The following TTC34 variants were observed in gnomAD, a reference collection of about 807,000 sequenced individuals.
TTC34 encodes the protein tetratricopeptide repeat domain 34.
TTC34 carries 44 observed loss-of-function variants against 40.7 expected under a neutral mutation model. That is an observed-to-expected ratio of 1.08 (90% CI 0.85 to 1.39). TTC34 has a LOEUF of 1.39. TTC34 is among the 40% of genes most tolerant of loss of function. TTC34 has a pLI of 0.00. For missense variants in TTC34, 884 were observed against 838.0 expected (o/e 1.05, Z -0.68); for synonymous variants, 422 against 398.6 (o/e 1.06, Z -0.70).
chr1:2,675,270 A>C, intron 6 of TTC34, among the ~76,000 whole-genome samples: 1 of 145,786 alleles, frequency 6.9e-6, no homozygotes, highest in Non-Finnish European at 1.5e-5. Flanking sequence ...AGCCTGGAAG[A>C]GCACCCCACA....
chr1:2,638,109 A>T (rs529184129), exon 9 of TTC34: 1 of 152,190 alleles, frequency 6.6e-6, no homozygotes, highest in East Asian at 1.9e-4. Context: ...AGGTGCCTAG[A>T]AATGATGCTC....
chr1:2,757,785 C>A (rs1641555354), intron 6 of TTC34, among the ~76,000 whole-genome samples: 1 of 148,012 alleles, frequency 6.8e-6, no homozygotes, highest in Non-Finnish European at 1.5e-5. Context: ...CGGAGCAGCA[C>A]CCACACCTTC....
At chr1:2,683,612 AT>A (rs1453325106) in intron 6 of TTC34, among the ~76,000 whole-genome samples, 3 of 138,776 alleles carry the variant, frequency 2.2e-5, no homozygotes, top group African/African-American at 8.7e-5. Flanking sequence ...AGCATCTGAC[AT>A]CCTTCAGCAG....
intron 6 of TTC34, among the ~76,000 whole-genome samples, chr1:2,683,808 C>G: frequency 6.6e-6 from 1 of 150,662 alleles, no homozygotes; most frequent in African/African-American, 2.5e-5. Flanking sequence ...AGTTGAGCAT[C>G]TGACAGCCGG....
At chr1:2,657,439 A>T (rs1384124054) in intron 6 of TTC34, among the ~76,000 whole-genome samples, 1 of 68,776 alleles carries the variant, frequency 1.5e-5, no homozygotes, top group Admixed American at 1.4e-4. Context: ...GAGCATCTGA[A>T]CTCATGGAGC....
intron 6 of TTC34, among the ~76,000 whole-genome samples, chr1:2,671,628 CA>C (rs1426098422): frequency 6.0e-5 from 9 of 149,860 alleles, no homozygotes; most frequent in Non-Finnish European, 9.0e-5. Flanking sequence ...GCAGCACCCA[CA>C]ACCACAGGTG....
intron 6 of TTC34, among the ~76,000 whole-genome samples, chr1:2,687,242 C>T (rs1186670255): frequency 4.4e-5 from 6 of 136,170 alleles, no homozygotes; most frequent in African/African-American, 1.2e-4. Flanking sequence ...GCAGCACCCA[C>T]ACCCCCAGGT....
At chr1:2,646,863 C>A (rs1410578899) in intron 6 of TTC34, among the ~76,000 whole-genome samples, 2 of 152,248 alleles carry the variant, frequency 1.3e-5, no homozygotes, top group Admixed American at 1.3e-4. Context: ...GATGACGAAT[C>A]TCTCAGCTTC....
At chr1:2,695,114 GC>G (rs1557625178) in intron 6 of TTC34, among the ~76,000 whole-genome samples, 2 of 72,688 alleles carry the variant, frequency 2.8e-5, no homozygotes, top group African/African-American at 1.1e-4. Flanking sequence ...GCACCCATAC[GC>G]CAAGATGAGC....
chr1:2,652,549 GGAGCAGCACCCACACCCCCA>G (rs1639184041), intron 6 of TTC34, among the ~76,000 whole-genome samples: 2 of 95,018 alleles, frequency 2.1e-5, no homozygotes, highest in African/African-American at 3.8e-5. Context: ...TGGAAAGCCT[GGAGCAGCACCCACACCCCCA>G]GGTGAGCATT....
At chr1:2,754,138 C>T (rs1274899326) in intron 6 of TTC34, among the ~76,000 whole-genome samples, 2 of 34,222 alleles carry the variant, frequency 5.8e-5, no homozygotes, top group Non-Finnish European at 4.6e-5. Context: ...GCACCCACAC[C>T]CCCAGGTGCG....
chr1:2,656,217 C>A (rs577998283), intron 6 of TTC34, among the ~76,000 whole-genome samples: 9 of 151,670 alleles, frequency 5.9e-5, no homozygotes, highest in Non-Finnish European at 1.0e-4. Context: ...ACCCTGCACA[C>A]CCAGGTGAGC....
At chr1:2,787,087 T>C (rs1643600323) in intron 4 of TTC34, among the ~76,000 whole-genome samples, 1 of 152,180 alleles carries the variant, frequency 6.6e-6, no homozygotes, top group Non-Finnish European at 1.5e-5. Flanking sequence ...GAAGGTCCCC[T>C]CTGCTACCCA....
At chr1:2,756,860 C>G (rs1641523826) in intron 6 of TTC34, among the ~76,000 whole-genome samples, 121 of 150,954 alleles carry the variant, frequency 8.0e-4, no homozygotes, top group African/African-American at 2.8e-3. Context: ...TGGGTCGGCA[C>G]CCACACCTCC....
At chr1:2,641,972 T>A in intron 8 of TTC34, 77 bp from the exon 9 acceptor site, 1 of 1,358,514 alleles carries the variant, frequency 7.4e-7, no homozygotes, top group Non-Finnish European at 9.7e-7. Flanking sequence ...CCTGCAGAGG[T>A]CCTCTGCACA....
intron 6 of TTC34, among the ~76,000 whole-genome samples, chr1:2,694,973 C>T (rs1290237263): frequency 6.6e-6 from 1 of 151,422 alleles, no homozygotes; most frequent in African/African-American, 2.4e-5. Context: ...CATCTGACAG[C>T]CTGGAGCAGC....
Position 2,750,812 on chromosome 1 carries a change from G to T in TTC34, c.2226+32797C>A, listed in dbSNP as rs1405348140. 1.5e-5 allele frequency among the ~76,000 whole-genome samples: 2 copies of T among 131,770 alleles called. 1 individual carries two copies. The highest frequency in any genetic ancestry group is 1.5e-4 in the Admixed American group (2 of 13,118). The allele number at this position is 131,770 out of a possible 152,430, so 86.4% of individuals were successfully genotyped here. ...GTCTGGAGCAGCGCCCACACCCCCA[G>T]GCGAGCATCTGACAGCCTGGAGCAG... On this transcript the variant is annotated intron_variant, in intron 6 of 8. Coordinates refer to ENST00000401095, the Ensembl canonical transcript of TTC34.
At chr1:2,701,705 G>C in intron 6 of TTC34, among the ~76,000 whole-genome samples, 1 of 55,400 alleles carries the variant, frequency 1.8e-5, no homozygotes, top group Non-Finnish European at 4.9e-5. Context: ...CTCACCTCCA[G>C]GTGAGCATCG....
At chr1:2,691,482 G>T (rs1188172064) in intron 6 of TTC34, among the ~76,000 whole-genome samples, 1 of 87,394 alleles carries the variant, frequency 1.1e-5, no homozygotes, top group Non-Finnish European at 2.4e-5. Flanking sequence ...AGCATCTGAT[G>T]GTCTGGAGCA....
Sources: gnomAD v4.1 joint callset for allele counts (sites outside exome capture counted in the v4.1 genomes callset) on GRCh38, gnomAD v4.1.1 for gene constraint, MANE v1.5 for transcripts, NCBI Gene and HGNC (gene_info 2026-07-23, HGNC 2026-07-21) for gene names.